The following DCDC1 variants were observed in gnomAD, a reference collection of about 807,000 sequenced individuals.
DCDC1 encodes doublecortin domain containing 1, also known as doublecortin domain-containing protein 1.
In DCDC1, 200 loss-of-function variants were observed where a neutral mutation model predicts 178.3. The ratio of observed to expected loss-of-function variants is 1.12; its 90% CI spans 1.00 to 1.26. The LOEUF (loss-of-function observed/expected upper bound fraction) is 1.26, where lower values mean the gene tolerates loss of function less well. Among genes scored for constraint, DCDC1 ranks in the 50% most tolerant of loss-of-function variants. DCDC1 has a pLI of 0.00. For synonymous variants in DCDC1, 690 were observed against 604.8 expected (o/e 1.14, Z -2.07); for missense variants, 1,983 against 1,749.2 (o/e 1.13, Z -2.38).
intron 2 of DCDC1, among the ~76,000 whole-genome samples, chr11:31,330,183 C>A (rs1345341922): frequency 6.6e-6 from 1 of 152,198 alleles, no homozygotes; most frequent in Non-Finnish European, 1.5e-5. Context: ...TGTCTGTTGG[C>A]TGCATAAATG....
chr11:31,014,281 T>TC, intron 20 of DCDC1, among the ~76,000 whole-genome samples: 1 of 150,986 alleles, frequency 6.6e-6, no homozygotes, highest in Non-Finnish European at 1.5e-5. Flanking sequence ...TTTTCATCAC[T>TC]CACCCTAGGG....
intron 9 of DCDC1, among the ~76,000 whole-genome samples, chr11:31,216,164 G>C (rs1160070735): frequency 2.0e-5 from 3 of 152,066 alleles, no homozygotes; most frequent in African/African-American, 4.8e-5. Context: ...TGCTAATCTG[G>C]GCAGAAAGGG....
intron 28 of DCDC1, among the ~76,000 whole-genome samples, chr11:30,909,318 T>C (rs1191563965): frequency 1.3e-5 from 2 of 152,170 alleles, no homozygotes; most frequent in Non-Finnish European, 2.9e-5. Flanking sequence ...TTTACAAAAA[T>C]AGAATCATAA....
At chr11:31,180,343 C>A (rs1278777815) in intron 9 of DCDC1, among the ~76,000 whole-genome samples, 1 of 152,156 alleles carries the variant, frequency 6.6e-6, no homozygotes, top group East Asian at 1.9e-4. Context: ...GATTTATTAT[C>A]AAACTACCCT....
At chr11:30,998,479 C>T (rs966621373) in intron 20 of DCDC1, among the ~76,000 whole-genome samples, 5 of 151,894 alleles carry the variant, frequency 3.3e-5, no homozygotes, top group East Asian at 1.9e-4. Flanking sequence ...TCCATATAAA[C>T]AATAAGTTTA....
intron 21 of DCDC1, among the ~76,000 whole-genome samples, chr11:30,939,272 G>A (rs1947482855): frequency 6.6e-6 from 1 of 152,184 alleles, no homozygotes; most frequent in South Asian, 2.1e-4. Context: ...CCCAGAGAGA[G>A]CGGGCCACCT....
chr11:31,367,965 T>A (rs957909734), intron 1 of DCDC1, among the ~76,000 whole-genome samples: 4 of 152,170 alleles, frequency 2.6e-5, no homozygotes, highest in Admixed American at 2.6e-4. Flanking sequence ...GGGACTGCTA[T>A]AATTTAAAAG....
chr11:31,030,449 T>C (rs1355792366), intron 20 of DCDC1, among the ~76,000 whole-genome samples: 1 of 152,140 alleles, frequency 6.6e-6, no homozygotes. Context: ...GAGGGAAGGA[T>C]TGGTAGATTG....
At chr11:31,170,770 C>T (rs1435891977) in intron 9 of DCDC1, among the ~76,000 whole-genome samples, 1 of 152,116 alleles carries the variant, frequency 6.6e-6, no homozygotes, top group Admixed American at 6.5e-5. Flanking sequence ...CTATTGGGAT[C>T]AATATCTGGG....
At chr11:31,223,012 G>A (rs896216846) in intron 9 of DCDC1, among the ~76,000 whole-genome samples, 4 of 152,076 alleles carry the variant, frequency 2.6e-5, no homozygotes, top group South Asian at 2.1e-4. Flanking sequence ...AATAAACTAT[G>A]TATATATTGA....
At chr11:30,881,346 T>C (rs273613) in intron 36 of DCDC1, 38 bp from the exon 37 acceptor site, 1,053,960 of 1,605,096 alleles carry the variant, frequency 0.66, 351,092 homozygotes, top group Middle Eastern at 0.75. Flanking sequence ...GAATACGGAA[T>C]GGCACAATAT....
chr11:30,922,734 C>T, intron 23 of DCDC1, 96 bp from the exon 24 acceptor site: 5 of 1,225,854 alleles, frequency 4.1e-6, no homozygotes, highest in Non-Finnish European at 5.4e-6. Flanking sequence ...ATCAAAATGT[C>T]CTATTAATAT....
chr11:30,910,223 G>A (rs1570336), intron 28 of DCDC1, among the ~76,000 whole-genome samples: 3,508 of 152,204 alleles, frequency 0.023, 112 homozygotes, highest in African/African-American at 0.079. Flanking sequence ...AATTACCTTG[G>A]GGTCAAATTA....
At chr11:31,107,091 T>C (rs2135772495) in intron 12 of DCDC1, 131 bp from the exon 13 acceptor site, 2 of 598,510 alleles carry the variant, frequency 3.3e-6, no homozygotes, top group African/African-American at 1.9e-5. Flanking sequence ...TCATATAGAA[T>C]GTTAAAAGAA....
chr11:30,953,278 A>T (rs1425208714), intron 20 of DCDC1, among the ~76,000 whole-genome samples: 1 of 148,450 alleles, frequency 6.7e-6, no homozygotes, highest in African/African-American at 2.4e-5. Flanking sequence ...CATTATATAT[A>T]AGTATTATAT....
At chr11:31,353,067 T>C (rs1212364883) in intron 1 of DCDC1, among the ~76,000 whole-genome samples, 1 of 152,230 alleles carries the variant, frequency 6.6e-6, no homozygotes, top group Non-Finnish European at 1.5e-5. Flanking sequence ...CTTACAAACA[T>C]ATATGCTGAA....
intron 20 of DCDC1, among the ~76,000 whole-genome samples, chr11:31,002,775 G>A (rs1951643852): frequency 6.6e-6 from 1 of 152,048 alleles, no homozygotes; most frequent in African/African-American, 2.4e-5. Flanking sequence ...TAGTTGGGGA[G>A]CATATTTGTG....
At chr11:31,346,234 G>A (rs774555694) in intron 1 of DCDC1, among the ~76,000 whole-genome samples, 1 of 151,870 alleles carries the variant, frequency 6.6e-6, no homozygotes, top group Non-Finnish European at 1.5e-5. Flanking sequence ...ATCATAGGAG[G>A]GTGGATCACA....
chr11:31,042,180 AG>A (rs1954505111), intron 20 of DCDC1, among the ~76,000 whole-genome samples: 2 of 152,226 alleles, frequency 1.3e-5, no homozygotes, highest in South Asian at 4.1e-4. Flanking sequence ...ATTCAATATT[AG>A]GATTCTTGGC....
Sources: allele counts gnomAD v4.1 joint callset (sites outside exome capture counted in the v4.1 genomes callset), GRCh38; gene constraint gnomAD v4.1.1; transcripts MANE v1.5; gene names NCBI Gene and HGNC (gene_info 2026-07-23, HGNC 2026-07-21).